The following SNX3 variants were observed in gnomAD, a reference collection of about 807,000 sequenced individuals.
SNX3 encodes sorting nexin-3.
SNX3 carries 5 observed loss-of-function variants against 17.7 expected under a neutral mutation model. The ratio of observed to expected loss-of-function variants is 0.28; its 90% CI spans 0.15 to 0.59. The LOEUF is 0.59. SNX3 is among the 20% of genes least tolerant of loss of function. The pLI, the probability that SNX3 is intolerant of heterozygous loss-of-function variation, is 0.88. For missense variants in SNX3, 132 were observed against 206.8 expected (o/e 0.64, Z 2.22); for synonymous variants, 91 against 76.5 (o/e 1.19, Z -0.99).
chr6:108,219,567 C>T (rs1406673621), intron 2 of SNX3, among the ~76,000 whole-genome samples: 2 of 152,142 alleles, frequency 1.3e-5, no homozygotes, highest in Admixed American at 6.5e-5. Context: ...GCTATGATCA[C>T]GCCACCGCAT....
intron 1 of SNX3, among the ~76,000 whole-genome samples, chr6:108,247,671 C>G (rs1017392237): frequency 1.3e-5 from 2 of 152,142 alleles, no homozygotes; most frequent in African/African-American, 4.8e-5. Context: ...CATGAGCCAC[C>G]ACGCCCAGCC....
At chr6:108,221,110 C>G (rs564439210) in intron 2 of SNX3, among the ~76,000 whole-genome samples, 1 of 152,172 alleles carries the variant, frequency 6.6e-6, no homozygotes, top group Admixed American at 6.5e-5. Context: ...AACAGCCCTA[C>G]TGAAATTTCT....
At chr6:108,239,210 C>A (rs1043391466) in intron 1 of SNX3, among the ~76,000 whole-genome samples, 10 of 152,052 alleles carry the variant, frequency 6.6e-5, no homozygotes, top group African/African-American at 2.4e-4. Flanking sequence ...GCCCTTGACA[C>A]CTTTTCTGAT....
At chr6:108,212,667 T>C (rs570350467) in intron 3 of SNX3, among the ~76,000 whole-genome samples, 1 of 152,208 alleles carries the variant, frequency 6.6e-6, no homozygotes, top group African/African-American at 2.4e-5. Flanking sequence ...CCAATAAGTA[T>C]TATTCTGGAC....
At chr6:108,258,562 T>G (rs966401859) in intron 1 of SNX3, among the ~76,000 whole-genome samples, 3 of 152,072 alleles carry the variant, frequency 2.0e-5, no homozygotes, top group Non-Finnish European at 4.4e-5. Context: ...CCGGCTTGAG[T>G]AGAGTGGCCT....
chr6:108,213,845 G>A (rs149710535), intron 3 of SNX3, among the ~76,000 whole-genome samples: 46 of 152,188 alleles, frequency 3.0e-4, no homozygotes, highest in African/African-American at 1.0e-3. Context: ...TATTCTGTAC[G>A]ATTTGATTTA....
Position 108,246,313 on chromosome 6 carries a change from C to CTTTTTTTT in SNX3, c.162+14439_162+14446dup, listed in dbSNP as rs71015538. Among the ~76,000 whole-genome samples, 33 of 47,988 alleles carry CTTTTTTTT rather than the reference C, an allele frequency of 6.9e-4. 3 individuals carry two copies. Among genetic ancestry groups the CTTTTTTTT allele is most frequent in the African/African-American group, 2.8e-3 (31 of 11,152 alleles). The allele number at this position is 47,988 out of a possible 152,430, so 31.5% of individuals were successfully genotyped here. On this transcript the variant is annotated intron_variant, in intron 1 of 3. Transcript: ENST00000230085. The stretch of plus-strand genomic sequence containing the variant: ...AATTCTTAAAAGAGCTTTGAGCATT[C>CTTTTTTTT]TTTTTTTTTTTTTTTTTTTTTTTTT...
At chr6:108,214,203 C>T (rs997379096) in intron 3 of SNX3, among the ~76,000 whole-genome samples, 5 of 152,090 alleles carry the variant, frequency 3.3e-5, no homozygotes, top group Admixed American at 6.6e-5. Flanking sequence ...CAGAAAGAAT[C>T]ATAAGTAAAA....
intron 1 of SNX3, among the ~76,000 whole-genome samples, chr6:108,238,048 G>T (rs2114740514): frequency 6.9e-6 from 1 of 144,824 alleles, no homozygotes; most frequent in East Asian, 2.1e-4. Flanking sequence ...GATGAAGTAA[G>T]CTGAGATGGC....
intron 1 of SNX3, among the ~76,000 whole-genome samples, chr6:108,248,686 C>T (rs1266673061): frequency 6.6e-6 from 1 of 152,154 alleles, no homozygotes; most frequent in African/African-American, 2.4e-5. Context: ...TAAACTAAGA[C>T]AAAAATTCTA....
chr6:108,251,723 G>A (rs1325881417), intron 1 of SNX3, among the ~76,000 whole-genome samples: 1 of 152,064 alleles, frequency 6.6e-6, no homozygotes, highest in Admixed American at 6.6e-5. Flanking sequence ...TATAGCAAAC[G>A]TCACATTTTA....
intron 1 of SNX3, among the ~76,000 whole-genome samples, chr6:108,252,980 A>AT (rs1210791715): frequency 6.6e-6 from 1 of 152,098 alleles, no homozygotes; most frequent in Non-Finnish European, 1.5e-5. Context: ...CAGTTCCAAG[A>AT]TTTTTTTGGA....
chr6:108,236,392 T>A lies in SNX3; in HGVS notation c.163-13347A>T, dbSNP rs1224834770. Among the ~76,000 whole-genome samples, 58 of 145,782 alleles carry A rather than the reference T, an allele frequency of 4.0e-4. 2 individuals carry two copies. The highest frequency in any genetic ancestry group is 1.3e-3 in the African/African-American group (51 of 40,278). ...TTATTATTATTATTTTTTTTTTTTT[T>A]TTTTTTTTTGAGACGGAGTCTCGCT... On this transcript the variant is annotated intron_variant, in intron 1 of 3. Transcript: ENST00000230085.
intron 1 of SNX3, among the ~76,000 whole-genome samples, chr6:108,240,590 AG>A (rs1397386376): frequency 6.6e-6 from 1 of 152,218 alleles, no homozygotes; most frequent in East Asian, 1.9e-4. Flanking sequence ...TAGTTCTACC[AG>A]GATGTGGCAA....
intron 1 of SNX3, among the ~76,000 whole-genome samples, chr6:108,250,986 C>A (rs748932788): frequency 6.6e-6 from 1 of 151,914 alleles, no homozygotes; most frequent in Non-Finnish European, 1.5e-5. Flanking sequence ...ATTTTGGTGG[C>A]TCAAATTATA....
At chr6:108,239,989 A>G (rs1361818562) in intron 1 of SNX3, among the ~76,000 whole-genome samples, 1 of 152,222 alleles carries the variant, frequency 6.6e-6, no homozygotes, top group Non-Finnish European at 1.5e-5. Flanking sequence ...AAATATGAGA[A>G]CCTAAAAGAA....
chr6:108,259,433 A>G (rs1582520435), intron 1 of SNX3, among the ~76,000 whole-genome samples: 1 of 152,094 alleles, frequency 6.6e-6, no homozygotes, highest in East Asian at 1.9e-4. Context: ...GGGTTTCTCC[A>G]TGCTGGTCAG....
chr6:108,240,271 T>G (rs773545033), intron 1 of SNX3, among the ~76,000 whole-genome samples: 4 of 152,102 alleles, frequency 2.6e-5, no homozygotes, highest in African/African-American at 9.7e-5. Context: ...CAGGCTGGAG[T>G]GCAGTGGTGC....
chr6:108,249,888 T>C (rs1428825866), intron 1 of SNX3, among the ~76,000 whole-genome samples: 2 of 152,212 alleles, frequency 1.3e-5, no homozygotes, highest in Admixed American at 1.3e-4. Flanking sequence ...GCTTCCTAAA[T>C]GAATGCTTTT....
Sources: gnomAD v4.1 joint callset for allele counts (sites outside exome capture counted in the v4.1 genomes callset) on GRCh38, gnomAD v4.1.1 for gene constraint, MANE v1.5 for transcripts, NCBI Gene and HGNC (gene_info 2026-07-23, HGNC 2026-07-21) for gene names.